The following SH2D4A variants were observed in gnomAD, a reference collection of about 807,000 sequenced individuals.
SH2D4A encodes SH2 domain-containing protein 4A.
Under a neutral mutation model 64.7 loss-of-function variants are expected in SH2D4A, and 70 were observed. That is an observed-to-expected ratio of 1.08 (90% CI 0.89 to 1.32). The LOEUF (loss-of-function observed/expected upper bound fraction) is 1.32, where lower values mean the gene tolerates loss of function less well. Among genes scored for constraint, SH2D4A ranks in the 40% most tolerant of loss-of-function variants. SH2D4A has a pLI of 0.00. For missense variants in SH2D4A, 706 were observed against 540.1 expected, an observed-to-expected ratio of 1.31 and a Z score of -3.04; for synonymous variants, 268 against 200.7, an observed-to-expected ratio of 1.34 and a Z score of -2.83.
At chr8:19,364,333 A>T (rs2052950683) in intron 7 of SH2D4A, 51 bp downstream of exon 7, 1 of 1,592,798 alleles carries the variant, frequency 6.3e-7, no homozygotes, top group Admixed American at 1.7e-5. Flanking sequence ...ATGGGCTTTG[A>T]ATAAGCGTTG....
intron 2 of SH2D4A, among the ~76,000 whole-genome samples, chr8:19,325,423 G>A (rs527291295): frequency 6.6e-6 from 1 of 152,186 alleles, no homozygotes; most frequent in Non-Finnish European, 1.5e-5. Flanking sequence ...GTCAGTGGTA[G>A]AGTTAGGATT....
At chr8:19,366,092 A>T (rs2052989409) in intron 7 of SH2D4A, among the ~76,000 whole-genome samples, 1 of 152,180 alleles carries the variant, frequency 6.6e-6, no homozygotes, top group South Asian at 2.1e-4. Flanking sequence ...AAAGAACCAT[A>T]AGTTGGTCAA....
chr8:19,393,512 A>C lies in SH2D4A; in HGVS notation c.1243A>C (p.Thr415Pro). ...GGGCGTGGACCAGCTACAGCATGCC[A>C]CCTTGGCGGATTTGGTGGAATATCA... Reference protein sequence around the residue: ...FLGVDQLQHATLADLVEYHKE... With the variant: ...FLGVDQLQHAPLADLVEYHKE... The change falls in exon 9 of 10, where the codon ACC becomes CCC. Residue 415 changes from threonine to proline, a missense_variant. Thr to Pro is a conservative substitution (Grantham distance 38). Coordinates refer to ENST00000265807, the MANE Select transcript of SH2D4A (RefSeq NM_022071.4). 1.2e-6 allele frequency: 2 copies of C among 1,614,208 alleles called. No individual in the cohort carries two copies. The highest frequency in any genetic ancestry group is 1.7e-6 in the Non-Finnish European group (2 of 1,180,040).
At chr8:19,360,952 T>C (rs2052874058) in intron 5 of SH2D4A, 1 of 260,786 alleles carries the variant, frequency 3.8e-6, no homozygotes, top group Admixed American at 5.2e-5. Flanking sequence ...CTCATCTTTC[T>C]TATGGGGAAA....
chr8:19,365,500 A>G (rs1377269354), intron 7 of SH2D4A, among the ~76,000 whole-genome samples: 1 of 152,230 alleles, frequency 6.6e-6, no homozygotes, highest in East Asian at 1.9e-4. Context: ...CGTTGGCGAC[A>G]GAGCCTCAGC....
At position 19,333,028 on chromosome 8, in the gene SH2D4A, T is replaced by A. The variant is rs1195413216; in HGVS notation, c.255T>A (p.His85Gln). The A allele has an allele frequency of 2.5e-6, 4 of 1,613,958 alleles. No individual in the cohort carries two copies. The Admixed American group carries it at 6.7e-5, about 27-fold the overall frequency. Residue 85 changes from histidine to glutamine, a missense_variant, in exon 3 of 10, where the codon CAT becomes CAA. Coordinates refer to ENST00000265807, the MANE Select transcript of SH2D4A (RefSeq NM_022071.4). Reference sequence around the variant, plus strand: ...GGGTATGGGTGATGGGCGAACACCATCTAGATAAACCCTATGATGTGCTCT... The same window carrying A: ...GGGTATGGGTGATGGGCGAACACCAACTAGATAAACCCTATGATGTGCTCT... ...EVWVWVMGEH[H>Q]LDKPYDVLCN...
chr8:19,316,162 T>A (rs1323190373), intron 1 of SH2D4A, among the ~76,000 whole-genome samples: 1 of 152,200 alleles, frequency 6.6e-6, no homozygotes, highest in Non-Finnish European at 1.5e-5. Flanking sequence ...AGTGGCAGAA[T>A]GGCCACATCG....
intron 4 of SH2D4A, among the ~76,000 whole-genome samples, chr8:19,342,552 A>C (rs5018145): frequency 0.87 from 132,825 of 152,170 alleles, 58,349 homozygotes; most frequent in African/African-American, 0.97. Flanking sequence ...TGTACATTCA[A>C]CATGTTACTT....
chr8:19,324,242 T>A lies in SH2D4A; in HGVS notation c.181+4514T>A, dbSNP rs186078644. On this transcript the variant is annotated intron_variant, in intron 2 of 9. Coordinates refer to ENST00000265807, the MANE Select transcript of SH2D4A (RefSeq NM_022071.4). ...CTTGTTTCATGGGGTCTATGTCAAG[T>A]TGATGGAAACCTAATGCAATGGGCT... Among the ~76,000 whole-genome samples the A allele has an allele frequency of 3.3e-5, 5 of 152,312 alleles. No individual in the cohort carries two copies. In the East Asian group the frequency reaches 9.7e-4, roughly 29 times the overall value.
At chr8:19,367,197 G>C (rs10100301) in intron 7 of SH2D4A, among the ~76,000 whole-genome samples, 1,735 of 152,246 alleles carry the variant, frequency 0.011, 33 homozygotes, top group African/African-American at 0.039. Flanking sequence ...ATTGTGAATA[G>C]TGCTGCAATA....
intron 8 of SH2D4A, among the ~76,000 whole-genome samples, chr8:19,389,485 G>A (rs754193177): frequency 8.5e-5 from 13 of 152,140 alleles, no homozygotes; most frequent in African/African-American, 2.4e-5. Flanking sequence ...CTCCAGCTGC[G>A]ACGGACCCTT....
chr8:19,350,112 C>G (rs2052676229), intron 4 of SH2D4A, among the ~76,000 whole-genome samples: 1 of 152,168 alleles, frequency 6.6e-6, no homozygotes, highest in Non-Finnish European at 1.5e-5. Flanking sequence ...TGAATATTTT[C>G]TCAACAATCC....
chr8:19,363,900 G>A (rs1366722857), intron 6 of SH2D4A, 172 bp from the exon 7 acceptor site: 1 of 639,368 alleles, frequency 1.6e-6, no homozygotes, highest in Admixed American at 2.9e-5. Context: ...AGCGAACGCT[G>A]GGCAAGCCCT....
intron 1 of SH2D4A, among the ~76,000 whole-genome samples, chr8:19,317,872 A>G (rs2052115941): frequency 6.6e-6 from 1 of 152,116 alleles, no homozygotes; most frequent in Non-Finnish European, 1.5e-5. Context: ...TGTTATTATA[A>G]ATAACAAATT....
intron 8 of SH2D4A, among the ~76,000 whole-genome samples, chr8:19,387,529 G>A (rs140931761): frequency 7.2e-5 from 11 of 152,306 alleles, no homozygotes; most frequent in Non-Finnish European, 4.4e-5. Flanking sequence ...CATGAGACAC[G>A]GCATCTGGCC....
At chr8:19,368,620 CTTT>C (rs34764005) in intron 7 of SH2D4A, among the ~76,000 whole-genome samples, 4 of 136,318 alleles carry the variant, frequency 2.9e-5, no homozygotes, top group Admixed American at 7.4e-5. Flanking sequence ...AATAAAATTG[CTTT>C]TTTTTTTTTT....
At chr8:19,317,861 G>T (rs1033923260) in intron 1 of SH2D4A, among the ~76,000 whole-genome samples, 2 of 152,090 alleles carry the variant, frequency 1.3e-5, no homozygotes, top group South Asian at 4.2e-4. Context: ...GATTATTGAG[G>T]TGTTATTATA....
chr8:19,375,388 A>G (rs2053175628), intron 8 of SH2D4A: 1 of 152,180 alleles, frequency 6.6e-6, no homozygotes, highest in South Asian at 2.1e-4. Flanking sequence ...GTAGCCCTTT[A>G]TAGGTTTATC....
chr8:19,382,925 G>A (rs187034671), intron 8 of SH2D4A, among the ~76,000 whole-genome samples: 23 of 144,078 alleles, frequency 1.6e-4, no homozygotes, highest in African/African-American at 5.9e-4. Flanking sequence ...TGACCTCCCA[G>A]GTTCAAGCAA....
Sources: allele counts gnomAD v4.1 joint callset (sites outside exome capture counted in the v4.1 genomes callset), GRCh38; gene constraint gnomAD v4.1.1; transcripts MANE v1.5; gene names NCBI Gene and HGNC (gene_info 2026-07-23, HGNC 2026-07-21).